Variants in TAFA5 observed in about 807,000 individuals in gnomAD.
TAFA5 encodes TAFA chemokine like family member 5.
In TAFA5, 6 loss-of-function variants were observed where a neutral mutation model predicts 15.3. That is an observed-to-expected ratio of 0.39 (90% CI 0.21 to 0.77). The LOEUF is 0.77. Among genes scored for constraint, TAFA5 ranks in the 30% least tolerant of loss-of-function variants. TAFA5 has a pLI of 0.41. For missense variants in TAFA5, 161 were observed against 193.1 expected, an observed-to-expected ratio of 0.83 and a Z score of 0.98; for synonymous variants, 103 against 80.7, an observed-to-expected ratio of 1.28 and a Z score of -1.48.
chr22:48,674,366 C>CA (rs894530863), intron 2 of TAFA5, among the ~76,000 whole-genome samples: 51 of 152,328 alleles, frequency 3.3e-4, no homozygotes, highest in African/African-American at 1.2e-3. Flanking sequence ...GGCACCCGTC[C>CA]ATGCCTGTCC....
At chr22:48,695,838 G>A (rs1229830449) in intron 2 of TAFA5, among the ~76,000 whole-genome samples, 3 of 152,156 alleles carry the variant, frequency 2.0e-5, no homozygotes, top group Admixed American at 1.3e-4. Flanking sequence ...GTCCTGGCGA[G>A]GGGAGTCAGC....
intron 1 of TAFA5, among the ~76,000 whole-genome samples, chr22:48,529,037 C>A (rs1462944949): frequency 6.6e-6 from 1 of 152,186 alleles, no homozygotes; most frequent in Non-Finnish European, 1.5e-5. Flanking sequence ...CCCTTGAGGG[C>A]ACTAGAACCC....
chr22:48,586,951 C>T (rs554535183), intron 1 of TAFA5, among the ~76,000 whole-genome samples: 81 of 152,354 alleles, frequency 5.3e-4, no homozygotes, highest in South Asian at 3.3e-3. Flanking sequence ...AGGCACCCTC[C>T]GGGTAATCAA....
In TAFA5 at chr22:48,527,880, G is replaced by A. The variant is rs571989969; in HGVS notation, c.112+38176G>A. Among the ~76,000 whole-genome samples, 5 of 152,352 alleles carry A rather than the reference G, an allele frequency of 3.3e-5. No individual in the cohort carries two copies. In the South Asian group the frequency reaches 6.2e-4, roughly 19 times the overall value. On this transcript the variant is annotated intron_variant, in intron 1 of 3. Coordinates refer to ENST00000402357, the MANE Select transcript of TAFA5 (RefSeq NM_001082967.3). ...GAGCCCGGCGCGAGGCTTCAGGCCC[G>A]TGTTACATGCCAGCAGCCGTAACAG...
At chr22:48,579,548 C>T (rs183395042) in intron 1 of TAFA5, among the ~76,000 whole-genome samples, 3 of 152,334 alleles carry the variant, frequency 2.0e-5, no homozygotes, top group Admixed American at 2.0e-4. Flanking sequence ...GTCACGGAGA[C>T]GCGAGAGGGA....
chr22:48,745,194 C>T (rs896512482), intron 3 of TAFA5, among the ~76,000 whole-genome samples: 5 of 151,950 alleles, frequency 3.3e-5, no homozygotes, highest in East Asian at 1.9e-4. Flanking sequence ...GCTTTGTCAT[C>T]GGCAGCTGGC....
At chr22:48,512,466 G>C (rs1023747439) in intron 1 of TAFA5, among the ~76,000 whole-genome samples, 1 of 151,872 alleles carries the variant, frequency 6.6e-6, no homozygotes, top group Admixed American at 6.6e-5. Flanking sequence ...AAATTAGCCG[G>C]GTGCAGTGGT....
rs76309472 is a variant in TAFA5, at chr22:48,707,687, C to T, written c.263-30C>T. On this transcript the variant is annotated intron_variant, in intron 2 of 3. Transcript: ENST00000402357. ...ACCCTCACGATCCATGAGAGTAGCACGCTGATTGCCTCTCTCTTTTCTCCC... is the reference window on the plus strand; with the variant it reads ...ACCCTCACGATCCATGAGAGTAGCATGCTGATTGCCTCTCTCTTTTCTCCC... The T allele has an allele frequency of 0.017, 28,043 of 1,611,316 alleles. 2,264 individuals carry two copies. The African/African-American group carries it at 0.23, about 13-fold the overall frequency.
chr22:48,678,435 C>T lies in TAFA5; in HGVS notation c.263-29282C>T, dbSNP rs548562064. Among the ~76,000 whole-genome samples, 52 of 152,284 alleles carry T rather than the reference C, an allele frequency of 3.4e-4. 1 individual carries two copies. Among genetic ancestry groups the T allele is most frequent in the Middle Eastern group, 6.8e-3 (2 of 294 alleles). On this transcript the variant is annotated intron_variant, in intron 2 of 3. Transcript: ENST00000402357. ...TGTCTCAGGGCCCTGTGCAGAGGAA[C>T]CAGGAAGAGGTCGGGCACCAGGCGA...
intron 1 of TAFA5, among the ~76,000 whole-genome samples, chr22:48,526,751 A>G (rs1921795126): frequency 6.6e-6 from 1 of 152,246 alleles, no homozygotes; most frequent in South Asian, 2.1e-4. Flanking sequence ...ATAGACTTAG[A>G]AAGATTGCAA....
chr22:48,538,214 C>T (rs1040342308), intron 1 of TAFA5, among the ~76,000 whole-genome samples: 4 of 151,840 alleles, frequency 2.6e-5, no homozygotes, highest in Non-Finnish European at 5.9e-5. Flanking sequence ...GGCGCTCTAC[C>T]GAAAGTCGCT....
At chr22:48,634,261 C>A (rs912098698) in intron 1 of TAFA5, among the ~76,000 whole-genome samples, 2 of 152,122 alleles carry the variant, frequency 1.3e-5, no homozygotes, top group Non-Finnish European at 2.9e-5. Context: ...ATCATTTACT[C>A]ATTCACTCAT....
At chr22:48,678,264 C>T (rs941202459) in intron 2 of TAFA5, among the ~76,000 whole-genome samples, 5 of 152,224 alleles carry the variant, frequency 3.3e-5, no homozygotes, top group Admixed American at 6.5e-5. Context: ...GGCTCTCTCC[C>T]GCCGGCTCTG....
At chr22:48,679,025 CATCCCTCTCCT>C (rs1401004429) in intron 2 of TAFA5, among the ~76,000 whole-genome samples, 3 of 58,594 alleles carry the variant, frequency 5.1e-5, no homozygotes, top group East Asian at 5.9e-4. Context: ...GCTCCGCGTC[CATCCCTCTCCT>C]GGCTCCCCAG....
intron 1 of TAFA5, among the ~76,000 whole-genome samples, chr22:48,628,511 C>T (rs1926101715): frequency 2.0e-5 from 3 of 152,220 alleles, no homozygotes; most frequent in Admixed American, 2.0e-4. Flanking sequence ...GGCTTTTCTC[C>T]CAGGTGGGAT....
intron 1 of TAFA5, among the ~76,000 whole-genome samples, chr22:48,528,069 G>C (rs865939051): frequency 2.6e-5 from 4 of 152,180 alleles, no homozygotes; most frequent in Non-Finnish European, 5.9e-5. Flanking sequence ...GGCCGCCTGG[G>C]CCCCCCGGGG....
chr22:48,693,854 T>A (rs529195276), intron 2 of TAFA5, among the ~76,000 whole-genome samples: 15 of 152,178 alleles, frequency 9.9e-5, no homozygotes, highest in Non-Finnish European at 1.9e-4. Flanking sequence ...TCTTACTGAC[T>A]ATGCCATCTC....
At chr22:48,661,413 G>A (rs980665470) in intron 2 of TAFA5, among the ~76,000 whole-genome samples, 1 of 152,232 alleles carries the variant, frequency 6.6e-6, no homozygotes, top group African/African-American at 2.4e-5. Flanking sequence ...TCGCCCCGAT[G>A]AGGGGAAACT....
chr22:48,716,850 GGA>G (rs1929416431), intron 3 of TAFA5, among the ~76,000 whole-genome samples: 1 of 152,096 alleles, frequency 6.6e-6, no homozygotes, highest in Admixed American at 6.5e-5. Flanking sequence ...GTAGAATGTT[GGA>G]GACATAAAAC....
Sources: gnomAD v4.1 joint callset for allele counts (sites outside exome capture counted in the v4.1 genomes callset) on GRCh38, gnomAD v4.1.1 for gene constraint, MANE v1.5 for transcripts, NCBI Gene and HGNC (gene_info 2026-07-23, HGNC 2026-07-21) for gene names.